DNMT3A: variants seen among roughly 807,000 people sequenced by gnomAD.
DNMT3A encodes DNA methyltransferase 3 alpha, also known as DNA (cytosine-5)-methyltransferase 3A.
A neutral mutation model predicts 117.6 loss-of-function variants in DNMT3A; 267 were observed. The observed-to-expected ratio is 2.27, with a 90% CI of 2.05 to 2.51. The LOEUF (loss-of-function observed/expected upper bound fraction) is 2.51, where lower values mean the gene tolerates loss of function less well. DNMT3A is among the 30% of genes most tolerant of loss of function. DNMT3A has a pLI of 0.00. For synonymous variants in DNMT3A, 432 were observed against 474.8 expected (o/e 0.91, Z 1.17); for missense variants, 1,029 against 1,260.2 (o/e 0.82, Z 2.78).
At chr2:25,291,334 C>G (rs1341279341) in intron 3 of DNMT3A, among the ~76,000 whole-genome samples, 1 of 152,372 alleles carries the variant, frequency 6.6e-6, no homozygotes, top group South Asian at 2.1e-4. Flanking sequence ...CTTCCGGCAG[C>G]CCCCTTTCCC....
chr2:25,241,047 G>A (rs1673965572), intron 17 of DNMT3A, among the ~76,000 whole-genome samples: 4 of 152,194 alleles, frequency 2.6e-5, no homozygotes, highest in Admixed American at 2.0e-4. Context: ...CTTAGGCAGG[G>A]TGTCTGGGCC....
intron 1 of DNMT3A, among the ~76,000 whole-genome samples, chr2:25,326,743 C>CTGCAGCTTCTCCAGCA (rs1483956195): frequency 1.3e-5 from 2 of 152,222 alleles, no homozygotes; most frequent in African/African-American, 4.8e-5. Context: ...TCCTGTGCTG[C>CTGCAGCTTCTCCAGCA]TGCAGCTTCT....
chr2:25,340,213 G>A (rs955023121), intron 1 of DNMT3A, among the ~76,000 whole-genome samples: 10 of 152,126 alleles, frequency 6.6e-5, no homozygotes, highest in African/African-American at 2.4e-4. Context: ...TGCAGCCGCA[G>A]GGGGCTCCCC....
Position 25,286,504 on chromosome 2 carries a change from C to T in DNMT3A, c.178-3793G>A, listed in dbSNP as rs1375400427. Among the ~76,000 whole-genome samples, 4 of 152,222 alleles carry T rather than the reference C, an allele frequency of 2.6e-5. No individual in the cohort carries two copies. The highest frequency in any genetic ancestry group is 9.6e-5 in the African/African-American group (4 of 41,452). On this transcript the variant is annotated intron_variant, in intron 3 of 22. Transcript: ENST00000321117. This position sits in a 1 kb window ranked among gnomAD's most constrained non-coding sequence, Gnocchi z 4.3. ...CCATCCCCTCCTGCTCACCTGCTCT[C>T]TCAGGTTCTGGATGAGATGATTCAG...
In DNMT3A at chr2:25,241,650, A is replaced by G; in HGVS notation, c.1994T>C (p.Val665Ala). The change falls in exon 17 of 23, where the codon GTG (valine) becomes GCG (alanine). Residue 665 changes from valine to alanine, a missense_variant. Transcript: ENST00000321117. ...GCCCACCGTGATGGAGTCCTCACAC[A>G]CCTCCGAGGCAATGTAGCGGTCCAC... ...IQVDRYIASE[V>A]CEDSITVGMV... 1 of 1,613,850 alleles carries G rather than the reference A, an allele frequency of 6.2e-7. No homozygotes were observed. The highest frequency in any genetic ancestry group is 8.5e-7 in the Non-Finnish European group (1 of 1,179,932).
intron 1 of DNMT3A, among the ~76,000 whole-genome samples, chr2:25,319,973 T>C (rs963877768): frequency 1.1e-4 from 16 of 152,200 alleles, no homozygotes; most frequent in Admixed American, 5.9e-4. Context: ...TTTTGCCATG[T>C]TGGCCAGGCT....
At chr2:25,268,756 C>T (rs1044749108) in intron 6 of DNMT3A, among the ~76,000 whole-genome samples, 19 of 152,156 alleles carry the variant, frequency 1.2e-4, no homozygotes, top group Admixed American at 7.9e-4. Flanking sequence ...GTCCCCATGC[C>T]ATCCTCCAGG....
chr2:25,264,603 G>GA (rs1225993872), intron 6 of DNMT3A, among the ~76,000 whole-genome samples: 1 of 151,762 alleles, frequency 6.6e-6, no homozygotes, highest in Non-Finnish European at 1.5e-5. Context: ...GAGTAGCTGG[G>GA]AGGTGCCTGC....
chr2:25,232,929 C>T lies in DNMT3A; in HGVS notation c.*1350G>A. On this transcript the variant is annotated 3_prime_UTR_variant, in exon 23 of 23. Coordinates refer to ENST00000321117, the MANE Select transcript of DNMT3A (RefSeq NM_022552.5). This position sits in a 1 kb window ranked among gnomAD's most constrained non-coding sequence, Gnocchi z 4.1. The stretch of plus-strand genomic sequence containing the variant: ...TGCACAGAGGGGTGGATGGTGGGGG[C>T]CTCATAAAAGAACACACAAAAGGCG... 1 of 231,140 alleles carries T rather than the reference C, an allele frequency of 4.3e-6. No individual in the cohort carries two copies. Among genetic ancestry groups the T allele is most frequent in the Middle Eastern group, 1.3e-3 (1 of 776 alleles). The allele number at this position is 231,140 out of a possible 1,614,324, so 14.3% of individuals were successfully genotyped here. A position where few individuals can be genotyped will look rare whatever the true frequency, so the allele number is the denominator to read the frequency against.
At chr2:25,288,243 G>T (rs1407247704) in intron 3 of DNMT3A, among the ~76,000 whole-genome samples, 1 of 150,814 alleles carries the variant, frequency 6.6e-6, no homozygotes, top group Non-Finnish European at 1.5e-5. Flanking sequence ...GACCATCCTG[G>T]CTAACATGGT....
chr2:25,341,598 C>T (rs2035458484), intron 1 of DNMT3A, among the ~76,000 whole-genome samples: 1 of 146,900 alleles, frequency 6.8e-6, no homozygotes, highest in Non-Finnish European at 1.5e-5. Context: ...GCCTGCCGAG[C>T]CCGCGGGGAC....
At chr2:25,274,421 C>T (rs947603720) in intron 6 of DNMT3A, among the ~76,000 whole-genome samples, 3 of 152,230 alleles carry the variant, frequency 2.0e-5, no homozygotes, top group African/African-American at 7.2e-5. Flanking sequence ...GTGTGGAGCC[C>T]CGCCTGCCTC....
chr2:25,327,310 G>C lies in DNMT3A; in HGVS notation c.-177-13149C>G, dbSNP rs552697069. ...TGGACCCTGACTGATACAGTCACCCGCGGCCCCAAAGGGCTTTTTTCCATC... is the reference window on the plus strand; with the variant it reads ...TGGACCCTGACTGATACAGTCACCCCCGGCCCCAAAGGGCTTTTTTCCATC... On this transcript the variant is annotated intron_variant, in intron 1 of 22. Coordinates refer to ENST00000321117, the MANE Select transcript of DNMT3A (RefSeq NM_022552.5). This position sits in a 1 kb window ranked among gnomAD's most constrained non-coding sequence, Gnocchi z 4.1. Among the ~76,000 whole-genome samples, 1 of 152,050 alleles carries C rather than the reference G, an allele frequency of 6.6e-6. No homozygotes were observed. The highest frequency in any genetic ancestry group is 1.5e-5 in the Non-Finnish European group (1 of 68,016).
At chr2:25,331,044 GA>G (rs1390466021) in intron 1 of DNMT3A, among the ~76,000 whole-genome samples, 6 of 152,126 alleles carry the variant, frequency 3.9e-5, no homozygotes, top group African/African-American at 1.4e-4. Flanking sequence ...GGGAGGGAAG[GA>G]AAAAATATCC....
intron 6 of DNMT3A, among the ~76,000 whole-genome samples, chr2:25,260,783 C>T (rs946175104): frequency 5.3e-5 from 8 of 152,016 alleles, no homozygotes; most frequent in Non-Finnish European, 7.4e-5. Context: ...GGAGGGAGTG[C>T]GGACTGAGAG....
chr2:25,328,211 A>G (rs1157841100), intron 1 of DNMT3A, among the ~76,000 whole-genome samples: 1 of 152,202 alleles, frequency 6.6e-6, no homozygotes, highest in Non-Finnish European at 1.5e-5. Context: ...TAAAGCTATT[A>G]TTTTTAAAAA....
chr2:25,288,220 G>T (rs1387903154), intron 3 of DNMT3A, among the ~76,000 whole-genome samples: 1 of 149,636 alleles, frequency 6.7e-6, no homozygotes, highest in African/African-American at 2.4e-5. Flanking sequence ...GGATCATGAG[G>T]TCAGCAGATT....
intron 3 of DNMT3A, among the ~76,000 whole-genome samples, chr2:25,290,189 C>A (rs1488994937): frequency 6.6e-6 from 1 of 152,122 alleles, no homozygotes; most frequent in African/African-American, 2.4e-5. Context: ...CACTCTGCTG[C>A]CCAGGCTGGA....
At position 25,244,222 on chromosome 2, in the gene DNMT3A, A is replaced by G. The variant is rs1483256801; in HGVS notation, c.1784T>C (p.Leu595Pro). 6.2e-7 allele frequency: 1 copy of G among 1,614,036 alleles called. No individual in the cohort carries two copies. The highest frequency in any genetic ancestry group is 1.7e-5 in the Admixed American group (1 of 60,028). ...GGAGGGCCAGTCCTCTCGCCGCCGC[A>G]GCAGCCCGTAGGTACCCTTGTGCCC... ...MCGHKGTYGL[L>P]RRREDWPSRL... Residue 595 changes from leucine to proline, a missense_variant, in exon 15 of 23, where the codon CTG (leucine) becomes CCG (proline). Transcript: ENST00000321117.
Sources: gnomAD v4.1 joint callset for allele counts (sites outside exome capture counted in the v4.1 genomes callset) on GRCh38, gnomAD v4.1.1 for gene constraint, Gnocchi (gnomAD v3.1) non-coding constraint, MANE v1.5 for transcripts, NCBI Gene and HGNC (gene_info 2026-07-23, HGNC 2026-07-21) for gene names.